The following TTC7B variants were observed in gnomAD, a reference collection of about 807,000 sequenced individuals.
The protein encoded by TTC7B is tetratricopeptide repeat protein 7B.
Under a neutral mutation model 106.8 loss-of-function variants are expected in TTC7B, and 28 were observed. That is an observed-to-expected ratio of 0.26 (90% confidence interval 0.19 to 0.36). The LOEUF is 0.36. TTC7B is among the 10% of genes least tolerant of loss of function. The pLI is 1.00. For missense variants in TTC7B, 862 were observed against 1,076.4 expected, an observed-to-expected ratio of 0.80 and a Z score of 2.79; for synonymous variants, 405 against 430.6, an observed-to-expected ratio of 0.94 and a Z score of 0.74.
chr14:90,573,966 T>C (rs1219367707), intron 19 of TTC7B, among the ~76,000 whole-genome samples: 1 of 152,208 alleles, frequency 6.6e-6, no homozygotes, highest in African/African-American at 2.4e-5. Flanking sequence ...CTTTCCAACC[T>C]CACACTTGCC....
At chr14:90,749,748 T>C (rs1434958963) in intron 3 of TTC7B, among the ~76,000 whole-genome samples, 1 of 152,246 alleles carries the variant, frequency 6.6e-6, no homozygotes, top group East Asian at 1.9e-4. Context: ...TAATTTCTAT[T>C]GCTATGTCTT....
intron 4 of TTC7B, among the ~76,000 whole-genome samples, chr14:90,743,767 T>C (rs1284531997): frequency 9.1e-6 from 1 of 109,788 alleles, no homozygotes; most frequent in Admixed American, 9.4e-5. Flanking sequence ...TATGATTATG[T>C]TCTTTTTATG....
At position 90,578,289 on chromosome 14, in the gene TTC7B, G is replaced by A. The variant is rs368919620; in HGVS notation, c.2127C>T (p.Ile709=). The change falls in exon 19 of 20, where the codon ATC becomes ATT. Residue 709 remains isoleucine (I), a synonymous_variant. Coordinates refer to ENST00000328459, the MANE Select transcript of TTC7B (RefSeq NM_001010854.2). The surrounding 1 kb of genome is among the most constrained non-coding windows in gnomAD (Gnocchi z 4.7). ...WLHAAEVYIG[I]GKPAEATACT... is the part of the protein sequence containing the mutation. Reference sequence around the variant, plus strand: ...AGGCTGTGGCTTCTGCAGGCTTCCCGATGCCGATATAGACTTCAGCTGTGA... The same window carrying A: ...AGGCTGTGGCTTCTGCAGGCTTCCCAATGCCGATATAGACTTCAGCTGTGA... The A allele has an allele frequency of 7.5e-5, 121 of 1,613,996 alleles. No individual in the cohort carries two copies. Among genetic ancestry groups the A allele is most frequent in the East Asian group, 6.5e-4 (29 of 44,884 alleles).
intron 1 of TTC7B, among the ~76,000 whole-genome samples, chr14:90,798,439 G>T: frequency 6.6e-6 from 1 of 152,152 alleles, no homozygotes; most frequent in Admixed American, 6.5e-5. Flanking sequence ...ACTATTGTGT[G>T]TAAAAAACAA....
Position 90,816,321 on chromosome 14 carries a change from C to A in TTC7B, c.-26G>T, listed in dbSNP as rs1450963354. ...CGCGGCCTGGCCGGGCCCGGCCGCC[C>A]GCCCCGCAGGCCCCACCGCCGCCGC... On this transcript the variant is annotated 5_prime_UTR_variant, in exon 1 of 20. Transcript: ENST00000328459. 1.8e-6 allele frequency: 2 copies of A among 1,092,238 alleles called. No individual in the cohort carries two copies. The highest frequency in any genetic ancestry group is 2.3e-6 in the Non-Finnish European group (2 of 881,648). 67.7% of individuals were successfully genotyped at this position (1,092,238 alleles called of 1,614,324 possible).
chr14:90,567,325 G>A (rs980587364), intron 19 of TTC7B, among the ~76,000 whole-genome samples: 4 of 152,272 alleles, frequency 2.6e-5, no homozygotes, highest in African/African-American at 9.6e-5. Flanking sequence ...GCAGCTGTGA[G>A]TGCAGGCATG....
At chr14:90,636,499 G>A (rs183657510) in intron 15 of TTC7B, among the ~76,000 whole-genome samples, 49 of 145,448 alleles carry the variant, frequency 3.4e-4, no homozygotes, top group Admixed American at 1.8e-3. Flanking sequence ...CTCAACAAAT[G>A]ATAAAGTAGA....
At chr14:90,637,365 T>A (rs553613852) in intron 15 of TTC7B, among the ~76,000 whole-genome samples, 2 of 149,466 alleles carry the variant, frequency 1.3e-5, no homozygotes, top group African/African-American at 4.9e-5. Flanking sequence ...AGACTATAAT[T>A]ATTTTTAAAA....
chr14:90,715,323 C>T (rs777222423), intron 5 of TTC7B, among the ~76,000 whole-genome samples: 8 of 152,168 alleles, frequency 5.3e-5, no homozygotes, highest in African/African-American at 9.7e-5. Context: ...GCTCTCTAGT[C>T]GCTGTGTCTT....
chr14:90,638,503 T>A (rs377259230), intron 15 of TTC7B, among the ~76,000 whole-genome samples: 7 of 151,944 alleles, frequency 4.6e-5, no homozygotes, highest in Non-Finnish European at 7.4e-5. Flanking sequence ...GCATGAAAAA[T>A]TTTTTCAGGT....
chr14:90,730,201 A>G lies in TTC7B; in HGVS notation c.577-5T>C. On this transcript the variant is annotated splice_polypyrimidine_tract_variant and splice_region_variant and intron_variant, in intron 4 of 19. Coordinates refer to ENST00000328459, the MANE Select transcript of TTC7B (RefSeq NM_001010854.2). ...TTGAATATTAGAAAGTATTACCTAGAAGGGGAGAAAATTGGAAAACTAATC... is the reference window on the plus strand; with the variant it reads ...TTGAATATTAGAAAGTATTACCTAGGAGGGGAGAAAATTGGAAAACTAATC... 1 of 1,593,998 alleles carries G rather than the reference A, an allele frequency of 6.3e-7. No individual in the cohort carries two copies. The highest frequency in any genetic ancestry group is 8.5e-7 in the Non-Finnish European group (1 of 1,174,514).
chr14:90,703,873 G>A (rs1009351388), intron 5 of TTC7B, among the ~76,000 whole-genome samples: 2 of 152,230 alleles, frequency 1.3e-5, no homozygotes, highest in African/African-American at 4.8e-5. Flanking sequence ...TCAGGAGTGG[G>A]ACCAGATAAC....
rs537044149 is a variant in TTC7B at position 90,658,843 on chromosome 14, C to G, written c.1153-456G>C. Among the ~76,000 whole-genome samples the G allele has an allele frequency of 1.1e-4, 17 of 152,324 alleles. No homozygotes were observed. The South Asian group carries it at 3.5e-3, about 32-fold the overall frequency. Reference sequence around the variant, plus strand: ...AAGGCAGAAACCACAACTTCTTTATCTTCTCAGTACTGGTGCATTGCCTGC... The same window carrying G: ...AAGGCAGAAACCACAACTTCTTTATGTTCTCAGTACTGGTGCATTGCCTGC... On this transcript the variant is annotated intron_variant, in intron 9 of 19. Transcript: ENST00000328459.
intron 1 of TTC7B, among the ~76,000 whole-genome samples, chr14:90,804,073 C>T (rs535207052): frequency 5.3e-5 from 8 of 152,262 alleles, no homozygotes; most frequent in East Asian, 3.9e-4. Context: ...TTGTGGCTCA[C>T]GCCTGTAATC....
At chr14:90,703,201 C>A (rs1030025950) in intron 5 of TTC7B, among the ~76,000 whole-genome samples, 2 of 152,088 alleles carry the variant, frequency 1.3e-5, no homozygotes, top group Non-Finnish European at 2.9e-5. Context: ...CACTGATGGG[C>A]ACAGGCCAAC....
intron 4 of TTC7B, among the ~76,000 whole-genome samples, chr14:90,730,713 G>A (rs1194331569): frequency 6.6e-6 from 1 of 152,232 alleles, no homozygotes; most frequent in Non-Finnish European, 1.5e-5. Context: ...AGGCTCCAGA[G>A]CTGAGGGACA....
At chr14:90,572,645 C>G (rs953464766) in intron 19 of TTC7B, among the ~76,000 whole-genome samples, 1 of 152,170 alleles carries the variant, frequency 6.6e-6, no homozygotes, top group African/African-American at 2.4e-5. Context: ...TGTATGAAAC[C>G]TTTAGCCTGC....
At chr14:90,725,473 A>T (rs1595322818) in intron 5 of TTC7B, among the ~76,000 whole-genome samples, 2 of 152,218 alleles carry the variant, frequency 1.3e-5, no homozygotes, top group Admixed American at 6.5e-5. Flanking sequence ...GGGCTAAACA[A>T]TTGCAAAGAG....
chr14:90,790,582 C>A, intron 1 of TTC7B, among the ~76,000 whole-genome samples: 1 of 152,038 alleles, frequency 6.6e-6, no homozygotes, highest in East Asian at 1.9e-4. Flanking sequence ...TCTCTCCCCA[C>A]CCCTCCTCAC....
Sources: allele counts gnomAD v4.1 joint callset (sites outside exome capture counted in the v4.1 genomes callset), GRCh38; gene constraint gnomAD v4.1.1; non-coding constraint Gnocchi (gnomAD v3.1); transcripts MANE v1.5; gene names NCBI Gene and HGNC (gene_info 2026-07-23, HGNC 2026-07-21).